FAM200A: variants seen among roughly 807,000 people sequenced by gnomAD.
The protein encoded by FAM200A is ZBED8 like.
A neutral mutation model predicts 44.2 loss-of-function variants in FAM200A; 26 were observed. That is an observed-to-expected ratio of 0.59 (90% CI 0.43 to 0.82). FAM200A has a LOEUF of 0.82. FAM200A is among the 40% of genes least tolerant of loss of function. The probability of loss-of-function intolerance (pLI) is 0.00; values close to 1 mark genes in which losing one functional copy is unlikely to be tolerated. For synonymous variants in FAM200A, 206 were observed against 244.4 expected (o/e 0.84, Z 1.47); for missense variants, 606 against 669.5 (o/e 0.91, Z 1.05).
At chr7:99,554,797 A>G (rs1411344650), upstream of FAM200A, among the ~76,000 whole-genome samples, 1 of 152,212 alleles carries the variant, frequency 6.6e-6, no homozygotes, top group African/African-American at 2.4e-5. Context: ...GGAAGATGCC[A>G]ACATGCTGAA....
In FAM200A at chr7:99,548,450, C is replaced by G. The variant is rs2151129012; in HGVS notation, c.-43G>C. ...CTGGCTCACTTGATCCAAATAGGGT[C>G]TGTTTTGCAGGGCTGTCCTTTGTGA... is the stretch of plus-strand genomic sequence containing the variant. On this transcript the variant is annotated 5_prime_UTR_variant, in exon 2 of 2. Coordinates refer to ENST00000449309, the MANE Select transcript of FAM200A (RefSeq NM_145111.4). 1 of 1,588,306 alleles carries G rather than the reference C, an allele frequency of 6.3e-7. No homozygotes were observed. The highest frequency in any genetic ancestry group is 8.6e-7 in the Non-Finnish European group (1 of 1,167,544).
Position 99,548,480 on chromosome 7 carries a change from G to C in FAM200A, c.-73C>G. 1.3e-6 allele frequency: 2 copies of C among 1,534,098 alleles called. No individual in the cohort carries two copies. Among genetic ancestry groups the C allele is most frequent in the Non-Finnish European group, 1.7e-6 (2 of 1,144,818 alleles). On this transcript the variant is annotated 5_prime_UTR_variant, in exon 2 of 2. Coordinates refer to ENST00000449309, the MANE Select transcript of FAM200A (RefSeq NM_145111.4). ...TTGCAGGGCTGTCCTTTGTGACCTA[G>C]GTTTTATGAGATCAGGTTTTGCTAT...
At position 99,546,795 on chromosome 7, in the gene FAM200A, G is replaced by T; in HGVS notation, c.1613C>A (p.Thr538Lys). 1.3e-6 allele frequency: 2 copies of T among 1,551,590 alleles called. No homozygotes were observed. The highest frequency in any genetic ancestry group is 1.7e-6 in the Non-Finnish European group (2 of 1,146,986). ...ACTATTGAGCCTATTTCTCTTCTTT[G>T]TTTTTAACCGTGTCAAGATTGAAAA... is the stretch of plus-strand genomic sequence containing the variant. Reference protein sequence around the residue: ...LGFSILTRLKTKKRNRLNSAP... With the variant: ...LGFSILTRLKKKKRNRLNSAP... Residue 538 changes from threonine (T) to lysine (K), a missense_variant, in exon 2 of 2, where the codon ACA becomes AAA. By Grantham distance (78) the Thr-to-Lys change is moderately conservative. Transcript: ENST00000449309.
Position 99,547,262 on chromosome 7 carries a change from TAAC to T in FAM200A, c.1143_1145del (p.Leu384del). On this transcript the variant is annotated inframe_deletion, in exon 2 of 2. Transcript: ENST00000449309. ...TTTTAAGTCTTGCTTGCCACAATAATAACGTCTTTTGGAATCCTAGAATATGTT... is the reference window on the plus strand; with the variant it reads ...TTTTAAGTCTTGCTTGCCACAATAATGTCTTTTGGAATCCTAGAATATGTT... 6.4e-7 allele frequency: 1 copy of T among 1,551,390 alleles called. No individual in the cohort carries two copies. Among genetic ancestry groups the T allele is most frequent in the Non-Finnish European group, 8.7e-7 (1 of 1,146,912 alleles).
upstream of FAM200A, among the ~76,000 whole-genome samples, chr7:99,556,065 G>A (rs1270264691): frequency 6.6e-6 from 1 of 152,098 alleles, no homozygotes; most frequent in African/African-American, 2.4e-5. Context: ...GGTGCAAGGT[G>A]GAACAACTTT....
At chr7:99,553,951 C>A (rs1004727127), upstream of FAM200A, among the ~76,000 whole-genome samples, 2 of 152,214 alleles carry the variant, frequency 1.3e-5, no homozygotes, top group African/African-American at 2.4e-5. Flanking sequence ...ATGGATAAGG[C>A]ACCCTGTAAG....
chr7:99,553,068 CACATATATATATAT>C (rs1206134491), upstream of FAM200A, among the ~76,000 whole-genome samples: 27 of 89,368 alleles, frequency 3.0e-4, 1 homozygote, highest in African/African-American at 1.5e-3. Flanking sequence ...TATATACACA[CACATATATATATAT>C]ATATATATAT....
chr7:99,550,414 A>AC (rs1430745879), intron 1 of FAM200A, among the ~76,000 whole-genome samples: 1 of 151,904 alleles, frequency 6.6e-6, no homozygotes, highest in Non-Finnish European at 1.5e-5. Context: ...TGGCCAACGA[A>AC]CCCCTTTTCT....
upstream of FAM200A, among the ~76,000 whole-genome samples, chr7:99,554,437 C>T (rs892789821): frequency 3.4e-5 from 5 of 147,826 alleles, no homozygotes; most frequent in Non-Finnish European, 5.9e-5. Flanking sequence ...TGAGATCACA[C>T]CACTGCACTC....
At position 99,548,403 on chromosome 7, in the gene FAM200A, G is replaced by A; in HGVS notation, c.5C>T (p.Thr2Ile). M[T>I]PESRDTTDLS... is the part of the protein sequence containing the mutation. Reference sequence around the variant, plus strand: ...ATCTGTAGTATCCCTTGATTCAGGAGTCATTATTCAGGTTCCAGGAACTGG... The same window carrying A: ...ATCTGTAGTATCCCTTGATTCAGGAATCATTATTCAGGTTCCAGGAACTGG... Residue 2 changes from threonine to isoleucine, a missense_variant, in exon 2 of 2, where the codon ACT (threonine) becomes ATT (isoleucine). Thr to Ile is a moderately conservative substitution (Grantham distance 89, BLOSUM62 -1). Coordinates refer to ENST00000449309, the MANE Select transcript of FAM200A (RefSeq NM_145111.4). 1 of 1,611,994 alleles carries A rather than the reference G, an allele frequency of 6.2e-7. No individual in the cohort carries two copies. Among genetic ancestry groups the A allele is most frequent in the Admixed American group, 1.7e-5 (1 of 59,778 alleles).
exon 1 of FAM200A, chr7:99,558,513 T>G (rs1460106654): frequency 1.3e-5 from 2 of 152,040 alleles, no homozygotes; most frequent in African/African-American, 2.4e-5. Flanking sequence ...CGGGCCCAGC[T>G]CCTCCTCCGA....
At position 99,548,107 on chromosome 7, in the gene FAM200A, A is replaced by G; in HGVS notation, c.301T>C (p.Ser101Pro). The G allele has an allele frequency of 1.3e-6, 2 of 1,551,620 alleles. No homozygotes were observed. The highest frequency in any genetic ancestry group is 1.7e-6 in the Non-Finnish European group (2 of 1,146,982). The change falls in exon 2 of 2, where the codon TCA (serine) becomes CCA (proline). Residue 101 changes from serine to proline, a missense_variant. Coordinates refer to ENST00000449309, the MANE Select transcript of FAM200A (RefSeq NM_145111.4). ...GGTATAGTTCTTAGTTTATCAGCTG[A>G]TTTGTCATCAAAAATTGTCCGTACC... ...DMVRTIFDDK[S>P]ADKLRTIPLS...
upstream of FAM200A, among the ~76,000 whole-genome samples, chr7:99,552,972 C>CATATATATATATATATATATATAT (rs1328337099): frequency 9.8e-5 from 14 of 143,480 alleles, no homozygotes; most frequent in African/African-American, 3.6e-4. Flanking sequence ...ATCTTTGCTC[C>CATATATATATATATATATATATAT]ATATATATAT....
Position 99,547,848 on chromosome 7 carries a change from A to G in FAM200A, c.560T>C (p.Leu187Ser), listed in dbSNP as rs1802425609. ...NLNSHITGLD[L>S]FTELENCLLG... ...AAGGCAGTTTTCTAATTCAGTAAAT[A>G]AATCTAATCCAGTTATATGTGAATT... Residue 187 changes from leucine (L) to serine (S), a missense_variant, in exon 2 of 2, where the codon TTA (leucine) becomes TCA (serine). Physicochemically the swap from Leu to Ser is moderately radical, Grantham distance 145 (BLOSUM62 -2). Transcript: ENST00000449309. 2 of 1,551,100 alleles carry G rather than the reference A, an allele frequency of 1.3e-6. No individual in the cohort carries two copies. The highest frequency in any genetic ancestry group is 2.0e-5 in the Admixed American group (1 of 50,918).
rs1221874626 is a variant in FAM200A, at chr7:99,548,203, A to G, written c.205T>C (p.Tyr69His). ...RALLSSYLVA[Y>H]RVAKEKMAHT... The stretch of plus-strand genomic sequence containing the variant: ...GCCATTTTCTCTTTTGCCACTCTAT[A>G]TGCAACTAAATACGATGACAATAAG... Residue 69 changes from tyrosine to histidine, a missense_variant, in exon 2 of 2, where the codon TAT becomes CAT. Transcript: ENST00000449309. 2 of 1,574,250 alleles carry G rather than the reference A, an allele frequency of 1.3e-6. No homozygotes were observed. Among genetic ancestry groups the G allele is most frequent in the Admixed American group, 1.9e-5 (1 of 53,072 alleles).
chr7:99,548,252 G>A lies in FAM200A; in HGVS notation c.156C>T (p.Arg52=). Residue 52 remains arginine (R), a synonymous_variant, in exon 2 of 2, where the codon CGC becomes CGT. Coordinates refer to ENST00000449309, the MANE Select transcript of FAM200A (RefSeq NM_145111.4). Reference sequence around the variant, plus strand: ...AGGCTCTCTCATTCATAGTTGTAGAGCGACTGAGAACTTGTGGCGATGACT... The same window carrying A: ...AGGCTCTCTCATTCATAGTTGTAGAACGACTGAGAACTTGTGGCGATGACT... ...KVESSPQVLS[R]STTMNERALL... 6.2e-7 allele frequency: 1 copy of A among 1,612,748 alleles called. No homozygotes were observed. The highest frequency in any genetic ancestry group is 8.5e-7 in the Non-Finnish European group (1 of 1,179,330).
Position 99,548,419 on chromosome 7 carries a change from C to T in FAM200A, c.-12G>A, listed in dbSNP as rs1802440012. 4 of 1,607,912 alleles carry T rather than the reference C, an allele frequency of 2.5e-6. No individual in the cohort carries two copies. The highest frequency in any genetic ancestry group is 3.4e-6 in the Non-Finnish European group (4 of 1,176,516). ...GATTCAGGAGTCATTATTCAGGTTC[C>T]AGGAACTGGCTCACTTGATCCAAAT... On this transcript the variant is annotated 5_prime_UTR_variant, in exon 2 of 2. Coordinates refer to ENST00000449309, the MANE Select transcript of FAM200A (RefSeq NM_145111.4).
In FAM200A at chr7:99,546,435, C is replaced by A. The variant is rs1024163098; in HGVS notation, c.*251G>T. ...CCAGGCTGGAATGCAGTGGGATTAT[C>A]TCAGCTCACTGCAATCTCTGCCTTC... On this transcript the variant is annotated 3_prime_UTR_variant, in exon 2 of 2. Transcript: ENST00000449309. 1 of 352,778 alleles carries A rather than the reference C, an allele frequency of 2.8e-6. No homozygotes were observed. Among genetic ancestry groups the A allele is most frequent in the African/African-American group, 2.1e-5 (1 of 47,518 alleles). The allele number at this position is 352,778 out of a possible 1,614,324, so 21.9% of individuals were successfully genotyped here.
upstream of FAM200A, among the ~76,000 whole-genome samples, chr7:99,553,083 ATATATATATATATATATTTT>A (rs1277380541): frequency 1.1e-5 from 1 of 95,134 alleles, no homozygotes; most frequent in African/African-American, 6.3e-5. Context: ...ATATATATAT[ATATATATATATATATATTTT>A]TTTTTTTTTT....
Sources: allele counts gnomAD v4.1 joint callset (sites outside exome capture counted in the v4.1 genomes callset), GRCh38; gene constraint gnomAD v4.1.1; transcripts MANE v1.5; gene names NCBI Gene and HGNC (gene_info 2026-07-23, HGNC 2026-07-21).